ARMC2: variants seen among roughly 807,000 people sequenced by gnomAD.
ARMC2 encodes armadillo repeat containing 2.
Under a neutral mutation model 90.3 loss-of-function variants are expected in ARMC2, and 67 were observed. The observed-to-expected ratio is 0.74, with a 90% CI of 0.61 to 0.91. The LOEUF (loss-of-function observed/expected upper bound fraction) is 0.91, where lower values mean the gene tolerates loss of function less well. Ranked by LOEUF, ARMC2 falls within the 40% of genes least tolerant of loss-of-function variation. The pLI is 0.00. For missense variants in ARMC2, 920 were observed against 1,030.9 expected (o/e 0.89, Z 1.47); for synonymous variants, 393 against 393.0 (o/e 1.00, Z 0.00).
At chr6:109,001,901 T>C in the ARMC2 span, among the ~76,000 whole-genome samples, 2 of 152,220 alleles carry the variant, frequency 1.3e-5, no homozygotes, top group Non-Finnish European at 2.9e-5. Context: ...ATAGATGCTT[T>C]TATACATATA....
In ARMC2 at chr6:108,928,171, C is replaced by T; in HGVS notation, c.1434C>T (p.Cys478=). The change falls in exon 11 of 18, where the codon TGC becomes TGT. Residue 478 remains cysteine, a synonymous_variant. Transcript: ENST00000392644. ...ACATCAGTGCCCTTCCCCAGCTCTG[C>T]ACGGCAATGGAACAGTACAAGGGTG... The part of the protein sequence containing the change: ...FLNISALPQL[C]TAMEQYKGDK... The T allele has an allele frequency of 1.2e-6, 2 of 1,613,068 alleles. No individual in the cohort carries two copies. The highest frequency in any genetic ancestry group is 1.7e-6 in the Non-Finnish European group (2 of 1,179,548).
intron 3 of ARMC2, among the ~76,000 whole-genome samples, chr6:108,865,515 G>A (rs1348926927): frequency 6.6e-6 from 1 of 152,164 alleles, no homozygotes; most frequent in Non-Finnish European, 1.5e-5. Flanking sequence ...GTAGTCCCAT[G>A]AGATGCGTGT....
chr6:108,978,594 G>T (rs1779030235), downstream of ARMC2, among the ~76,000 whole-genome samples: 1 of 152,162 alleles, frequency 6.6e-6, no homozygotes, highest in Non-Finnish European at 1.5e-5. Flanking sequence ...TGAAAGTGGG[G>T]TGTTAAAGTC....
chr6:109,013,059 T>C, the ARMC2 span, among the ~76,000 whole-genome samples: 31 of 149,116 alleles, frequency 2.1e-4, no homozygotes, highest in Non-Finnish European at 3.3e-4. Flanking sequence ...GAGGTTGCGA[T>C]GAGCCAAGAT....
intron 4 of ARMC2, among the ~76,000 whole-genome samples, chr6:108,874,084 C>G (rs538136128): frequency 6.6e-6 from 1 of 152,184 alleles, no homozygotes; most frequent in Non-Finnish European, 1.5e-5. Context: ...CGATCCATTA[C>G]AAAATTCATA....
At position 108,939,403 on chromosome 6, in the gene ARMC2, C is replaced by T. The variant is rs148350455; in HGVS notation, c.1596+2404C>T. On this transcript the variant is annotated intron_variant, in intron 12 of 17. Coordinates refer to ENST00000392644, the MANE Select transcript of ARMC2 (RefSeq NM_032131.6). Reference sequence around the variant, plus strand: ...CTCACGGATGGGTTAGCACCATCCCCCTGGTGCTGTTCTCGTGGTAGTGAG... The same window carrying T: ...CTCACGGATGGGTTAGCACCATCCCTCTGGTGCTGTTCTCGTGGTAGTGAG... Among the ~76,000 whole-genome samples the T allele has an allele frequency of 2.1e-3, 312 of 152,178 alleles. 1 individual carries two copies. The highest frequency in any genetic ancestry group is 7.4e-3 in the African/African-American group (308 of 41,496).
At chr6:108,970,120 T>C (rs1162411053) in intron 17 of ARMC2, among the ~76,000 whole-genome samples, 1 of 152,212 alleles carries the variant, frequency 6.6e-6, no homozygotes, top group Admixed American at 6.5e-5. Context: ...CAAAATTTAA[T>C]ACCCCATGTG....
At chr6:108,855,571 T>A (rs1355013909) in intron 2 of ARMC2, among the ~76,000 whole-genome samples, 1 of 152,152 alleles carries the variant, frequency 6.6e-6, no homozygotes, top group Non-Finnish European at 1.5e-5. Flanking sequence ...CTCCTTTGGG[T>A]AAACACCAAG....
At chr6:109,030,072 T>C in the ARMC2 span, among the ~76,000 whole-genome samples, 1 of 152,160 alleles carries the variant, frequency 6.6e-6, no homozygotes, top group African/African-American at 2.4e-5. Context: ...CCTTTTAACT[T>C]GGCCATAGCT....
chr6:108,969,303 A>G (rs913091167), intron 17 of ARMC2, among the ~76,000 whole-genome samples: 1 of 152,252 alleles, frequency 6.6e-6, no homozygotes, highest in South Asian at 2.1e-4. Flanking sequence ...TCTGCTGCTG[A>G]ACAGCTAGCT....
At chr6:108,865,349 A>G (rs1006689751) in intron 3 of ARMC2, among the ~76,000 whole-genome samples, 1 of 152,238 alleles carries the variant, frequency 6.6e-6, no homozygotes, top group Non-Finnish European at 1.5e-5. Context: ...ATTTTATAAG[A>G]GAAACATGTT....
the ARMC2 span, among the ~76,000 whole-genome samples, chr6:109,020,579 A>G: frequency 2.0e-5 from 3 of 152,302 alleles, no homozygotes; most frequent in East Asian, 5.8e-4. Flanking sequence ...GCACAGTGCA[A>G]TTCTATACAA....
intron 10 of ARMC2, among the ~76,000 whole-genome samples, chr6:108,926,446 T>C (rs1775107256): frequency 6.6e-6 from 1 of 152,208 alleles, no homozygotes; most frequent in African/African-American, 2.4e-5. Context: ...TATTCCTGGC[T>C]GGGCGCAGTG....
At chr6:108,880,858 CTCTTTTTTT>C (rs1777468489) in intron 5 of ARMC2, among the ~76,000 whole-genome samples, 2 of 145,924 alleles carry the variant, frequency 1.4e-5, no homozygotes, top group East Asian at 4.1e-4. Flanking sequence ...TCCTTTTTTT[CTCTTTTTTT>C]TCTTTTTTTG....
the ARMC2 span, among the ~76,000 whole-genome samples, chr6:109,032,367 C>T: frequency 1.3e-5 from 2 of 152,114 alleles, no homozygotes; most frequent in African/African-American, 4.8e-5. Context: ...GCCTGTAATC[C>T]CAGCACTTTG....
chr6:108,996,636 TA>T, the ARMC2 span, among the ~76,000 whole-genome samples: 198 of 149,278 alleles, frequency 1.3e-3, no homozygotes, highest in Middle Eastern at 6.9e-3. Flanking sequence ...AAGTTGGGAT[TA>T]AAAAAAAAAT....
the ARMC2 span, among the ~76,000 whole-genome samples, chr6:108,985,482 G>C: frequency 3.3e-5 from 5 of 152,302 alleles, no homozygotes; most frequent in African/African-American, 1.2e-4. Context: ...TTAGTTTTGA[G>C]AAAACACTCC....
intron 10 of ARMC2, chr6:108,924,216 G>C (rs912052725): frequency 1.3e-4 from 20 of 152,216 alleles, no homozygotes; most frequent in African/African-American, 4.6e-4. Flanking sequence ...CTTGAGCTGG[G>C]TTTTGAAAAA....
the ARMC2 span, among the ~76,000 whole-genome samples, chr6:108,997,188 A>C: frequency 6.6e-6 from 1 of 152,340 alleles, no homozygotes; most frequent in African/African-American, 2.4e-5. Context: ...TTACCTGGGA[A>C]TAGGAAGCTT....
Sources: gnomAD v4.1 joint callset for allele counts (sites outside exome capture counted in the v4.1 genomes callset) on GRCh38, gnomAD v4.1.1 for gene constraint, MANE v1.5 for transcripts, NCBI Gene and HGNC (gene_info 2026-07-23, HGNC 2026-07-21) for gene names.